RFX4: variants seen among roughly 807,000 people sequenced by gnomAD.
The protein encoded by RFX4 is transcription factor RFX4.
A neutral mutation model predicts 95.0 loss-of-function variants in RFX4; 10 were observed. The observed-to-expected ratio is 0.11, with a 90% confidence interval of 0.06 to 0.18. RFX4 has a LOEUF of 0.18. Ranked by LOEUF, RFX4 falls within the 10% of genes least tolerant of loss-of-function variation. The pLI is 1.00. For missense variants in RFX4, 640 were observed against 922.0 expected (o/e 0.69, Z 3.96); for synonymous variants, 321 against 340.7 (o/e 0.94, Z 0.64).
intron 2 of RFX4, among the ~76,000 whole-genome samples, chr12:106,634,553 C>T (rs138649951): frequency 1.9e-4 from 29 of 152,258 alleles, no homozygotes; most frequent in Admixed American, 7.8e-4. Context: ...AAGACTTAAA[C>T]GGGATAATTA....
chr12:106,697,523 G>A (rs1189295036), intron 8 of RFX4, among the ~76,000 whole-genome samples: 1 of 151,452 alleles, frequency 6.6e-6, no homozygotes, highest in Non-Finnish European at 1.5e-5. Flanking sequence ...CTGGCGGGGT[G>A]ACTTAAAACA....
chr12:106,633,027 T>C (rs923194197), intron 2 of RFX4, among the ~76,000 whole-genome samples: 2 of 152,212 alleles, frequency 1.3e-5, no homozygotes, highest in African/African-American at 4.8e-5. Context: ...AAATATCTGA[T>C]GAATGAGTAA....
intron 1 of RFX4, 115 bp downstream of exon 1, chr12:106,583,478 C>T (rs1467622500): frequency 1.0e-6 from 1 of 967,222 alleles, no homozygotes; most frequent in Non-Finnish European, 1.5e-6. Flanking sequence ...CAGTGGAACC[C>T]CAAAGAATAA....
intron 5 of RFX4, among the ~76,000 whole-genome samples, chr12:106,685,747 C>T (rs1277577213): frequency 6.6e-6 from 1 of 152,190 alleles, no homozygotes; most frequent in Non-Finnish European, 1.5e-5. Context: ...TGTTCAAGAA[C>T]CTGTTCCTCC....
intron 11 of RFX4, among the ~76,000 whole-genome samples, chr12:106,717,082 C>T (rs2042308905): frequency 6.6e-6 from 1 of 151,424 alleles, no homozygotes; most frequent in Admixed American, 6.6e-5. Flanking sequence ...AATCATCCTT[C>T]CTCTTCTGCT....
chr12:106,661,513 T>C (rs1207363493), intron 4 of RFX4, among the ~76,000 whole-genome samples: 1 of 152,232 alleles, frequency 6.6e-6, no homozygotes, highest in Non-Finnish European at 1.5e-5. Flanking sequence ...AGTAGTACAT[T>C]TGTTACAACT....
chr12:106,693,025 A>G (rs1022938950), intron 7 of RFX4: 1 of 365,208 alleles, frequency 2.7e-6, no homozygotes, highest in African/African-American at 2.1e-5. Context: ...CCAATTGCTT[A>G]AGCCACAAAC....
intron 4 of RFX4, among the ~76,000 whole-genome samples, chr12:106,679,146 A>G (rs1258068218): frequency 6.6e-6 from 1 of 152,228 alleles, no homozygotes; most frequent in African/African-American, 2.4e-5. Context: ...ATGTCTGTGA[A>G]TAACAGAGGG....
intron 3 of RFX4, among the ~76,000 whole-genome samples, chr12:106,650,006 A>G (rs2040828062): frequency 6.6e-6 from 1 of 152,142 alleles, no homozygotes; most frequent in African/African-American, 2.4e-5. Flanking sequence ...TCCTGTGTTC[A>G]TTCATTCATT....
At chr12:106,670,800 A>G (rs2041266360) in intron 4 of RFX4, among the ~76,000 whole-genome samples, 1 of 152,156 alleles carries the variant, frequency 6.6e-6, no homozygotes, top group Non-Finnish European at 1.5e-5. Flanking sequence ...CATTCATATC[A>G]CCAGCTTTAA....
In RFX4 at chr12:106,696,375, G is replaced by C. The variant is rs2041880125; in HGVS notation, c.762G>C (p.Val254=). 4 of 1,614,146 alleles carry C rather than the reference G, an allele frequency of 2.5e-6. No individual in the cohort carries two copies. Among genetic ancestry groups the C allele is most frequent in the Non-Finnish European group, 3.4e-6 (4 of 1,180,022 alleles). The change falls in exon 8 of 18, where the codon GTG becomes GTC. Residue 254 remains valine, a synonymous_variant. Coordinates refer to ENST00000392842, the MANE Select transcript of RFX4 (RefSeq NM_213594.3). ...GSSTVVNIVG[V]CDSILYKAIS... ...CCACGGTGGTGAACATTGTCGGCGTGTGTGACTCCATCCTCTACAAAGCTA... is the reference window on the plus strand; with the variant it reads ...CCACGGTGGTGAACATTGTCGGCGTCTGTGACTCCATCCTCTACAAAGCTA...
chr12:106,671,335 C>A (rs2041276619), intron 4 of RFX4, among the ~76,000 whole-genome samples: 1 of 152,036 alleles, frequency 6.6e-6, no homozygotes, highest in African/African-American at 2.4e-5. Flanking sequence ...TATTTGGGGT[C>A]AAAATTGAAG....
At chr12:106,727,540 T>C (rs2042525633) in intron 13 of RFX4, among the ~76,000 whole-genome samples, 1 of 151,986 alleles carries the variant, frequency 6.6e-6, no homozygotes, top group South Asian at 2.1e-4. Flanking sequence ...ATTGTCTTTA[T>C]TTATAGATGT....
At chr12:106,718,885 C>A (rs147555450) in intron 11 of RFX4, among the ~76,000 whole-genome samples, 82 of 149,156 alleles carry the variant, frequency 5.5e-4, no homozygotes, top group African/African-American at 1.8e-3. Context: ...CCAAGGCGGG[C>A]GGATCACGAG....
At chr12:106,691,165 C>G (rs139137256) in intron 7 of RFX4, among the ~76,000 whole-genome samples, 3 of 152,306 alleles carry the variant, frequency 2.0e-5, no homozygotes, top group Non-Finnish European at 2.9e-5. Context: ...TTTCAAGCCT[C>G]AATTCCTCAT....
At chr12:106,619,452 C>T (rs1357399204) in intron 2 of RFX4, among the ~76,000 whole-genome samples, 1 of 152,112 alleles carries the variant, frequency 6.6e-6, no homozygotes, top group Non-Finnish European at 1.5e-5. Flanking sequence ...AAAAGTTAGT[C>T]ATCAGATGTA....
intron 8 of RFX4, among the ~76,000 whole-genome samples, chr12:106,697,704 A>G (rs1478607058): frequency 6.6e-6 from 1 of 151,824 alleles, no homozygotes; most frequent in Non-Finnish European, 1.5e-5. Context: ...GCATCACTCT[A>G]ATCTCTGCCT....
At chr12:106,686,294 C>G (rs1238931854) in intron 5 of RFX4, among the ~76,000 whole-genome samples, 3 of 151,832 alleles carry the variant, frequency 2.0e-5, no homozygotes, top group African/African-American at 7.3e-5. Flanking sequence ...GCCTGTAATC[C>G]CAGCTACTTA....
Position 106,614,778 on chromosome 12 carries a change from G to A in RFX4, c.130+5895G>A, listed in dbSNP as rs1026635536. On this transcript the variant is annotated intron_variant, in intron 2 of 17. Transcript: ENST00000392842. ...CCCGCCTTGGCCTCCCAAAGTGCTAGGATTACAGGCGTGAGCCACCACGCC... is the reference window on the plus strand; with the variant it reads ...CCCGCCTTGGCCTCCCAAAGTGCTAAGATTACAGGCGTGAGCCACCACGCC... 5.3e-5 allele frequency among the ~76,000 whole-genome samples: 8 copies of A among 152,130 alleles called. No homozygotes were observed. The East Asian group carries it at 1.5e-3, about 29-fold the overall frequency.
Sources: allele counts gnomAD v4.1 joint callset (sites outside exome capture counted in the v4.1 genomes callset), GRCh38; gene constraint gnomAD v4.1.1; transcripts MANE v1.5; gene names NCBI Gene and HGNC (gene_info 2026-07-23, HGNC 2026-07-21).